HECTD2: variants seen among roughly 807,000 people sequenced by gnomAD.
HECTD2 encodes HECT domain E3 ubiquitin protein ligase 2, also known as probable E3 ubiquitin-protein ligase HECTD2.
A neutral mutation model predicts 103.2 loss-of-function variants in HECTD2; 35 were observed. The ratio of observed to expected loss-of-function variants is 0.34; its 90% CI spans 0.26 to 0.45. The LOEUF is 0.45. Ranked by LOEUF, HECTD2 falls within the 20% of genes least tolerant of loss-of-function variation. HECTD2 has a pLI of 1.00. For synonymous variants in HECTD2, 281 were observed against 329.9 expected (o/e 0.85, Z 1.61); for missense variants, 596 against 937.4 (o/e 0.64, Z 4.76).
rs763165560 is a variant in HECTD2 at position 91,498,920 on chromosome 10, G to A, written c.1804G>A (p.Gly602Ser). 19 of 1,606,586 alleles carry A rather than the reference G, an allele frequency of 1.2e-5. No individual in the cohort carries two copies. Among genetic ancestry groups the A allele is most frequent in the Admixed American group, 5.0e-5 (3 of 59,708 alleles). ...AATCAAGTCCTATAATTTAAAGCCCGGTGGTGATAAAATTTCAGTTACCAA... is the reference window on the plus strand; with the variant it reads ...AATCAAGTCCTATAATTTAAAGCCCAGTGGTGATAAAATTTCAGTTACCAA... ...GIIKSYNLKP[G>S]GDKISVTNQN... is the part of the protein sequence containing the mutation. The change falls in exon 17 of 21, where the codon GGT becomes AGT. Residue 602 changes from glycine to serine, a missense_variant. By Grantham distance (56) the Gly-to-Ser change is moderately conservative. Transcript: ENST00000298068.
At chr10:91,498,231 G>T in intron 16 of HECTD2, 49 bp downstream of exon 16, 2 of 1,252,148 alleles carry the variant, frequency 1.6e-6, no homozygotes, top group South Asian at 2.4e-5. Flanking sequence ...TTTCATATAT[G>T]AACAGTGCAA....
chr10:91,497,287 C>CT (rs549997514), intron 15 of HECTD2, among the ~76,000 whole-genome samples: 344 of 118,846 alleles, frequency 2.9e-3, no homozygotes, highest in Middle Eastern at 9.4e-3. Flanking sequence ...GAAAATGTTT[C>CT]TTTTTTTTTT....
intron 10 of HECTD2, chr10:91,486,133 A>C (rs1194410385): frequency 1.3e-5 from 2 of 152,094 alleles, no homozygotes; most frequent in Admixed American, 6.6e-5. Context: ...AAGTAACCTC[A>C]AAACCCCAGA....
At chr10:91,510,569 C>G (rs1197159338) in intron 20 of HECTD2, among the ~76,000 whole-genome samples, 4 of 152,126 alleles carry the variant, frequency 2.6e-5, no homozygotes, top group Non-Finnish European at 5.9e-5. Context: ...ACTTGGAAAG[C>G]TCAGCCTTAA....
At chr10:91,495,694 G>A (rs146085273) in intron 14 of HECTD2, among the ~76,000 whole-genome samples, 1 of 151,960 alleles carries the variant, frequency 6.6e-6, no homozygotes, top group Non-Finnish European at 1.5e-5. Flanking sequence ...TTTTACTGTT[G>A]GAAATTACCT....
intron 1 of HECTD2, among the ~76,000 whole-genome samples, chr10:91,414,485 G>C (rs1039377777): frequency 6.6e-6 from 1 of 152,266 alleles, no homozygotes; most frequent in South Asian, 2.1e-4. Flanking sequence ...TACAAAAAAT[G>C]CAAAAAGACA....
chr10:91,493,656 A>G, intron 14 of HECTD2, 148 bp downstream of exon 14: 1 of 492,744 alleles, frequency 2.0e-6, no homozygotes, highest in Non-Finnish European at 3.5e-6. Flanking sequence ...AGTAATCTTC[A>G]TTATGTGTAA....
chr10:91,426,849 TA>T (rs973033567), intron 2 of HECTD2, among the ~76,000 whole-genome samples: 1 of 151,646 alleles, frequency 6.6e-6, no homozygotes, highest in Admixed American at 6.6e-5. Flanking sequence ...GAACTTGGGG[TA>T]TTTTTTTTTA....
At chr10:91,478,149 C>A in intron 5 of HECTD2, 52 bp from the exon 6 acceptor site, 1 of 1,143,694 alleles carries the variant, frequency 8.7e-7, no homozygotes, top group Non-Finnish European at 1.3e-6. Context: ...AACATATAAA[C>A]GTCACCTAAT....
rs902050945 is a variant in HECTD2 at position 91,461,315 on chromosome 10, A to T, written c.469A>T (p.Thr157Ser). The change falls in exon 4 of 21, where the codon ACA becomes TCA. Residue 157 changes from threonine (T) to serine (S), a missense_variant. Transcript: ENST00000298068. Reference protein sequence around the residue: ...DWKAVHDFYLTTFDSFPELNA... With the variant: ...DWKAVHDFYLSTFDSFPELNA... ...GAAAGCAGTACATGATTTTTATCTA[A>T]CAACGTTTGATTCTTTCCCAGAATT... 7.7e-6 allele frequency: 12 copies of T among 1,554,024 alleles called. No homozygotes were observed. Among genetic ancestry groups the T allele is most frequent in the Non-Finnish European group, 1.0e-5 (12 of 1,150,244 alleles).
intron 20 of HECTD2, among the ~76,000 whole-genome samples, chr10:91,504,574 A>G (rs1230576894): frequency 1.5e-3 from 207 of 139,986 alleles, no homozygotes; most frequent in African/African-American, 3.6e-3. Flanking sequence ...GAAAGTTTAG[A>G]GAAAAAAGAA....
At chr10:91,445,449 A>C (rs1173477699) in intron 2 of HECTD2, among the ~76,000 whole-genome samples, 3 of 152,206 alleles carry the variant, frequency 2.0e-5, no homozygotes, top group African/African-American at 2.4e-5. Flanking sequence ...TAAATAAGTA[A>C]TAAGTAATGA....
intron 2 of HECTD2, among the ~76,000 whole-genome samples, chr10:91,432,345 C>A (rs544021717): frequency 6.6e-6 from 1 of 152,002 alleles, no homozygotes; most frequent in Non-Finnish European, 1.5e-5. Context: ...AAAAACCCAG[C>A]GTGGGTTCAC....
In HECTD2 at chr10:91,512,563, C is replaced by T. The variant is rs1178909454; in HGVS notation, c.*179C>T. 1.7e-6 allele frequency: 1 copy of T among 578,222 alleles called. No individual in the cohort carries two copies. Among genetic ancestry groups the T allele is most frequent in the African/African-American group, 1.9e-5 (1 of 53,940 alleles). 35.8% of individuals were successfully genotyped at this position (578,222 alleles called of 1,614,324 possible). A position where few individuals can be genotyped will look rare whatever the true frequency, so the allele number is the denominator to read the frequency against. Reference sequence around the variant, plus strand: ...CAGCAAAGGCATAATTTTCTAAAAACACACACAGAAATCGCTTGAGTGAGG... The same window carrying T: ...CAGCAAAGGCATAATTTTCTAAAAATACACACAGAAATCGCTTGAGTGAGG... On this transcript the variant is annotated 3_prime_UTR_variant, in exon 21 of 21. Coordinates refer to ENST00000298068, the MANE Select transcript of HECTD2 (RefSeq NM_182765.6).
Position 91,425,422 on chromosome 10 carries a change from T to C in HECTD2, c.268+12T>C. ...TAACATCAAGAATGGTAAATAATTT[T>C]TAAATATATTTTGGCTAAAAGTATA... On this transcript the variant is annotated intron_variant, in intron 2 of 20. Coordinates refer to ENST00000298068, the MANE Select transcript of HECTD2 (RefSeq NM_182765.6). 2 of 1,471,970 alleles carry C rather than the reference T, an allele frequency of 1.4e-6. No individual in the cohort carries two copies. The highest frequency in any genetic ancestry group is 2.9e-5 in the South Asian group (2 of 68,278). 91.2% of individuals were successfully genotyped at this position (1,471,970 alleles called of 1,614,324 possible).
At chr10:91,485,420 A>G in intron 10 of HECTD2, 117 bp downstream of exon 10, 1 of 675,108 alleles carries the variant, frequency 1.5e-6, no homozygotes, top group Non-Finnish European at 2.4e-6. Flanking sequence ...GTATAAATAT[A>G]GTTCAGATAG....
chr10:91,477,508 G>A (rs1463620483), intron 5 of HECTD2, among the ~76,000 whole-genome samples: 1 of 152,130 alleles, frequency 6.6e-6, no homozygotes, highest in African/African-American at 2.4e-5. Context: ...CTGGGTGTGC[G>A]GGGTTACTGT....
intron 2 of HECTD2, among the ~76,000 whole-genome samples, chr10:91,457,300 T>C (rs6583775): frequency 0.2 from 30,463 of 152,002 alleles, 7,247 homozygotes; most frequent in African/African-American, 0.58. Context: ...ACTTCTTTTT[T>C]GTTTTACAAA....
Position 91,512,602 on chromosome 10 carries a change from G to T in HECTD2, c.*218G>T. ...GCTTGAGTGAGGAAAAGTCCACATG[G>T]CAGAGACAGGTATGGTCCAGTTCCT... is the stretch of plus-strand genomic sequence containing the variant. On this transcript the variant is annotated 3_prime_UTR_variant, in exon 21 of 21. Coordinates refer to ENST00000298068, the MANE Select transcript of HECTD2 (RefSeq NM_182765.6). 2.0e-6 allele frequency: 1 copy of T among 488,338 alleles called. No homozygotes were observed. The highest frequency in any genetic ancestry group is 3.7e-6 in the Non-Finnish European group (1 of 273,584). The allele number at this position is 488,338 out of a possible 1,614,324, so 30.3% of individuals were successfully genotyped here. A position where few individuals can be genotyped will look rare whatever the true frequency, so the allele number is the denominator to read the frequency against.
Sources: gnomAD v4.1 joint callset for allele counts (sites outside exome capture counted in the v4.1 genomes callset) on GRCh38, gnomAD v4.1.1 for gene constraint, MANE v1.5 for transcripts, NCBI Gene and HGNC (gene_info 2026-07-23, HGNC 2026-07-21) for gene names.